PELI2: variants seen among roughly 807,000 people sequenced by gnomAD.
PELI2 encodes the protein pellino E3 ubiquitin protein ligase family member 2.
In PELI2, 23 loss-of-function variants were observed where a neutral mutation model predicts 42.3. The observed-to-expected ratio is 0.54, with a 90% CI of 0.39 to 0.77. PELI2 has a LOEUF of 0.77. Ranked by LOEUF, PELI2 falls within the 30% of genes least tolerant of loss-of-function variation. The pLI is 0.00. For synonymous variants in PELI2, 245 were observed against 212.2 expected, an observed-to-expected ratio of 1.15 and a Z score of -1.34; for missense variants, 463 against 553.2, an observed-to-expected ratio of 0.84 and a Z score of 1.64.
At chr14:56,175,863 C>G (rs1032296325) in intron 1 of PELI2, among the ~76,000 whole-genome samples, 6 of 152,108 alleles carry the variant, frequency 3.9e-5, no homozygotes, top group African/African-American at 1.4e-4. Flanking sequence ...AATAGAAACC[C>G]TTAAGGATCC....
chr14:56,269,148 A>G (rs1189289743), intron 2 of PELI2, among the ~76,000 whole-genome samples: 14 of 152,208 alleles, frequency 9.2e-5, no homozygotes, highest in Admixed American at 9.2e-4. Context: ...AGCAATAAAA[A>G]GAATTGATTG....
chr14:56,160,937 C>T (rs1884737115), intron 1 of PELI2, among the ~76,000 whole-genome samples: 1 of 152,144 alleles, frequency 6.6e-6, no homozygotes, highest in South Asian at 2.1e-4. Flanking sequence ...TAGACCCCTG[C>T]CGTTATTTTC....
intron 2 of PELI2, among the ~76,000 whole-genome samples, chr14:56,275,145 TAAA>T (rs1889246491): frequency 6.6e-6 from 1 of 152,054 alleles, no homozygotes; most frequent in Non-Finnish European, 1.5e-5. Flanking sequence ...GGTGGAAAAA[TAAA>T]TAAGACTGAA....
At chr14:56,266,858 A>G (rs1424139889) in intron 2 of PELI2, among the ~76,000 whole-genome samples, 1 of 152,140 alleles carries the variant, frequency 6.6e-6, no homozygotes, top group African/African-American at 2.4e-5. Context: ...AAGATGCATT[A>G]AATAAACCAT....
At chr14:56,205,055 A>C (rs1886468267) in intron 2 of PELI2, among the ~76,000 whole-genome samples, 1 of 151,416 alleles carries the variant, frequency 6.6e-6, no homozygotes, top group Admixed American at 6.6e-5. Context: ...AAAGAAAGAA[A>C]GTGCTTTAAA....
In PELI2 at chr14:56,293,245, C is replaced by G. The variant is rs1889892093; in HGVS notation, c.696+2789C>G. The stretch of plus-strand genomic sequence containing the variant: ...TTGCTATGTAGGGGCCATTAGTTGC[C>G]ATGGTAGAGGCCAAATGTCTCTTGC... On this transcript the variant is annotated intron_variant, in intron 5 of 5. Coordinates refer to ENST00000267460, the MANE Select transcript of PELI2 (RefSeq NM_021255.3). Among the ~76,000 whole-genome samples the G allele has an allele frequency of 3.9e-5, 6 of 152,146 alleles. No individual in the cohort carries two copies. The South Asian group carries it at 1.2e-3, about 31-fold the overall frequency.
At chr14:56,209,803 G>A (rs1184999720) in intron 2 of PELI2, among the ~76,000 whole-genome samples, 1 of 152,218 alleles carries the variant, frequency 6.6e-6, no homozygotes, top group East Asian at 1.9e-4. Flanking sequence ...TGAAGGGCTG[G>A]AGGACCAATA....
At chr14:56,228,379 C>G (rs191676889) in intron 2 of PELI2, among the ~76,000 whole-genome samples, 6 of 152,228 alleles carry the variant, frequency 3.9e-5, no homozygotes, top group Admixed American at 3.3e-4. Context: ...TTTTAAAACC[C>G]TGGAGAATTA....
intron 2 of PELI2, among the ~76,000 whole-genome samples, chr14:56,244,681 G>A (rs905937650): frequency 2.6e-5 from 4 of 152,126 alleles, no homozygotes; most frequent in African/African-American, 9.7e-5. Context: ...CCACTGGGCT[G>A]TGTAAATAGA....
chr14:56,209,602 TA>T (rs1474813930), intron 2 of PELI2, among the ~76,000 whole-genome samples: 1 of 152,186 alleles, frequency 6.6e-6, no homozygotes, highest in African/African-American at 2.4e-5. Flanking sequence ...AATAAATGAA[TA>T]AAAATTTTTA....
chr14:56,231,200 G>A (rs1051353744), intron 2 of PELI2, among the ~76,000 whole-genome samples: 6 of 152,100 alleles, frequency 3.9e-5, no homozygotes, highest in East Asian at 1.9e-4. Flanking sequence ...ACAGATCAAC[G>A]AGACAGAAAG....
At chr14:56,254,127 G>T (rs868159532) in intron 2 of PELI2, among the ~76,000 whole-genome samples, 1 of 152,138 alleles carries the variant, frequency 6.6e-6, no homozygotes, top group Non-Finnish European at 1.5e-5. Flanking sequence ...TTGGCCAGGC[G>T]TGGTGGCTCA....
rs1332795564 is a variant in PELI2 at position 56,219,182 on chromosome 14, T to G, written c.207+40718T>G. ...TTTGGATGACTTGAGGACAATAAGGTGTTTGTTTATTTATTTATTTATTTT... is the reference window on the plus strand; with the variant it reads ...TTTGGATGACTTGAGGACAATAAGGGGTTTGTTTATTTATTTATTTATTTT... On this transcript the variant is annotated intron_variant, in intron 2 of 5. Transcript: ENST00000267460. This position sits in a 1 kb window ranked among gnomAD's most constrained non-coding sequence, Gnocchi z 4.1. 6.6e-6 allele frequency among the ~76,000 whole-genome samples: 1 copy of G among 151,350 alleles called. No individual in the cohort carries two copies. The highest frequency in any genetic ancestry group is 1.5e-5 in the Non-Finnish European group (1 of 67,916).
intron 1 of PELI2, among the ~76,000 whole-genome samples, chr14:56,128,694 T>G (rs1412743067): frequency 6.6e-6 from 1 of 151,812 alleles, no homozygotes; most frequent in Non-Finnish European, 1.5e-5. Flanking sequence ...GAGGTGAAGT[T>G]GGAAAGTCAG....
At chr14:56,186,458 A>G (rs1454710101) in intron 2 of PELI2, among the ~76,000 whole-genome samples, 1 of 152,214 alleles carries the variant, frequency 6.6e-6, no homozygotes, top group East Asian at 1.9e-4. Context: ...GTGACATAAT[A>G]CATTAGTGTT....
intron 2 of PELI2, among the ~76,000 whole-genome samples, chr14:56,265,404 T>G (rs141689695): frequency 6.6e-6 from 1 of 152,284 alleles, no homozygotes; most frequent in African/African-American, 2.4e-5. Flanking sequence ...CAGACGGTGC[T>G]GTTTCATTTA....
intron 1 of PELI2, among the ~76,000 whole-genome samples, chr14:56,173,741 G>A (rs376408225): frequency 2.0e-5 from 3 of 152,106 alleles, no homozygotes; most frequent in Admixed American, 1.3e-4. Flanking sequence ...TCACATGGTC[G>A]TCTCCTCTCT....
intron 2 of PELI2, among the ~76,000 whole-genome samples, chr14:56,258,716 A>G (rs964803075): frequency 6.6e-6 from 1 of 152,282 alleles, no homozygotes; most frequent in Non-Finnish European, 1.5e-5. Flanking sequence ...AAAGATAGCC[A>G]TAGTAAATTG....
At chr14:56,276,198 G>C (rs1283837229) in intron 2 of PELI2, among the ~76,000 whole-genome samples, 3 of 152,146 alleles carry the variant, frequency 2.0e-5, no homozygotes, top group Non-Finnish European at 4.4e-5. Flanking sequence ...ATTGATCTCA[G>C]GTTTAAACTC....
Sources: allele counts gnomAD v4.1 joint callset (sites outside exome capture counted in the v4.1 genomes callset), GRCh38; gene constraint gnomAD v4.1.1; non-coding constraint Gnocchi (gnomAD v3.1); transcripts MANE v1.5; gene names NCBI Gene and HGNC (gene_info 2026-07-23, HGNC 2026-07-21).